ATRNL1: variants seen among roughly 807,000 people sequenced by gnomAD.
ATRNL1 encodes attractin-like protein 1.
ATRNL1 carries 95 observed loss-of-function variants against 182.7 expected under a neutral mutation model. The ratio of observed to expected loss-of-function variants is 0.52; its 90% CI spans 0.44 to 0.62. The LOEUF (loss-of-function observed/expected upper bound fraction) is 0.62. ATRNL1 is among the 20% of genes least tolerant of loss of function. The pLI is 0.00. For missense variants in ATRNL1, 1,471 were observed against 1,679.5 expected, an observed-to-expected ratio of 0.88 and a Z score of 2.17; for synonymous variants, 576 against 568.3, an observed-to-expected ratio of 1.01 and a Z score of -0.19.
intron 17 of ATRNL1, among the ~76,000 whole-genome samples, chr10:115,305,309 G>C (rs1315433995): frequency 6.6e-6 from 1 of 152,138 alleles, no homozygotes; most frequent in Non-Finnish European, 1.5e-5. Flanking sequence ...ATGCAGGCTG[G>C]AATCCCAGCT....
At position 115,203,435 on chromosome 10, in the gene ATRNL1, A is replaced by G. The variant is rs534328871; in HGVS notation, c.1349-12262A>G. 8.5e-5 allele frequency among the ~76,000 whole-genome samples: 13 copies of G among 152,204 alleles called. No homozygotes were observed. In the South Asian group the frequency reaches 2.7e-3, roughly 32 times the overall value. On this transcript the variant is annotated intron_variant, in intron 8 of 28. Coordinates refer to ENST00000355044, the MANE Select transcript of ATRNL1 (RefSeq NM_207303.4). ...GTCTTAACTGTCTAACTGAATGTTT[A>G]TGGAAAGGCAAGCTAGGAAATAAGC...
At chr10:115,560,654 T>A (rs543693346) in intron 26 of ATRNL1, among the ~76,000 whole-genome samples, 2 of 152,236 alleles carry the variant, frequency 1.3e-5, no homozygotes, top group African/African-American at 4.8e-5. Context: ...TTTGTAGAAA[T>A]TGACAAGTAG....
chr10:115,149,772 A>T (rs1352925443), intron 5 of ATRNL1, among the ~76,000 whole-genome samples: 1 of 150,926 alleles, frequency 6.6e-6, no homozygotes, highest in Non-Finnish European at 1.5e-5. Flanking sequence ...TTCATCAGGG[A>T]TGTTGGCCTG....
chr10:115,281,015 T>C (rs941889432), intron 13 of ATRNL1, among the ~76,000 whole-genome samples: 3 of 152,204 alleles, frequency 2.0e-5, no homozygotes, highest in African/African-American at 7.2e-5. Flanking sequence ...TAATACCTTA[T>C]TTGAATATTT....
At chr10:115,366,502 C>T (rs1253099197) in intron 19 of ATRNL1, among the ~76,000 whole-genome samples, 2,865 of 152,086 alleles carry the variant, frequency 0.019, 90 homozygotes, top group African/African-American at 0.065. Flanking sequence ...TTAATTGGAG[C>T]GTTTAGTCCA....
chr10:115,794,479 G>A (rs551897326), intron 27 of ATRNL1, among the ~76,000 whole-genome samples: 9 of 152,208 alleles, frequency 5.9e-5, no homozygotes, highest in South Asian at 2.1e-4. Flanking sequence ...AGAATCATGC[G>A]TTGCATTTAG....
intron 26 of ATRNL1, among the ~76,000 whole-genome samples, chr10:115,650,120 G>A (rs1859891838): frequency 6.6e-6 from 1 of 152,044 alleles, no homozygotes; most frequent in Non-Finnish European, 1.5e-5. Context: ...TAGGTAGAAA[G>A]CCTTATTAAC....
At chr10:115,567,927 T>A (rs1280607444) in intron 26 of ATRNL1, among the ~76,000 whole-genome samples, 1 of 152,138 alleles carries the variant, frequency 6.6e-6, no homozygotes, top group African/African-American at 2.4e-5. Context: ...TGCTACCTGA[T>A]GAGTGAAATA....
chr10:115,527,130 T>TCCC (rs35207261), intron 25 of ATRNL1, among the ~76,000 whole-genome samples: 1 of 118,212 alleles, frequency 8.5e-6, no homozygotes, highest in African/African-American at 3.5e-5. Flanking sequence ...TTTTTTTTTT[T>TCCC]CCCCCCCGAG....
chr10:115,144,054 A>G (rs1388556904), intron 5 of ATRNL1, among the ~76,000 whole-genome samples: 1 of 146,938 alleles, frequency 6.8e-6, no homozygotes, highest in East Asian at 2.0e-4. Context: ...ATCTTGGCTC[A>G]CTGCAACCTC....
chr10:115,445,103 C>A (rs1846895025), intron 21 of ATRNL1, among the ~76,000 whole-genome samples: 1 of 151,646 alleles, frequency 6.6e-6, no homozygotes. Context: ...AATATTACTT[C>A]TTTTTTTTAT....
chr10:115,684,950 T>A (rs1460296949), intron 26 of ATRNL1, among the ~76,000 whole-genome samples: 1 of 151,782 alleles, frequency 6.6e-6, no homozygotes, highest in Non-Finnish European at 1.5e-5. Context: ...TCTAAAATAA[T>A]GTTTCTTTTA....
intron 26 of ATRNL1, among the ~76,000 whole-genome samples, chr10:115,606,898 A>G (rs1565208733): frequency 2.0e-5 from 3 of 151,944 alleles, no homozygotes; most frequent in Non-Finnish European, 2.9e-5. Flanking sequence ...TTTAGCTGTC[A>G]CTAAGATGGT....
intron 10 of ATRNL1, among the ~76,000 whole-genome samples, chr10:115,264,945 T>C (rs1851544580): frequency 6.6e-6 from 1 of 151,684 alleles, no homozygotes; most frequent in Admixed American, 6.6e-5. Context: ...TTCATTCTTT[T>C]CATTTTCTTG....
intron 27 of ATRNL1, among the ~76,000 whole-genome samples, chr10:115,754,633 G>T (rs1448884414): frequency 6.6e-6 from 1 of 152,142 alleles, no homozygotes; most frequent in African/African-American, 2.4e-5. Context: ...TTTTGACTAG[G>T]ATTGTCTTGG....
chr10:115,383,594 T>C (rs1564982308), intron 19 of ATRNL1, among the ~76,000 whole-genome samples: 1 of 152,002 alleles, frequency 6.6e-6, no homozygotes, highest in Non-Finnish European at 1.5e-5. Context: ...ATAAGATTGA[T>C]ACCTTTCCAA....
intron 17 of ATRNL1, among the ~76,000 whole-genome samples, chr10:115,314,080 T>A (rs1302463649): frequency 1.3e-5 from 2 of 152,148 alleles, no homozygotes; most frequent in African/African-American, 2.4e-5. Context: ...CGCTGTGTAC[T>A]GTTGAAAAAA....
At chr10:115,268,050 C>T (rs895161649) in intron 12 of ATRNL1, among the ~76,000 whole-genome samples, 2 of 152,038 alleles carry the variant, frequency 1.3e-5, no homozygotes, top group Admixed American at 6.6e-5. Flanking sequence ...CATGAGCTAC[C>T]GTGCCTGGCC....
chr10:115,669,360 C>T (rs1555040707), intron 26 of ATRNL1, among the ~76,000 whole-genome samples: 2 of 151,986 alleles, frequency 1.3e-5, no homozygotes, highest in Admixed American at 1.3e-4. Flanking sequence ...TAGAGTATAT[C>T]TAGATATAGA....
Sources: gnomAD v4.1 joint callset for allele counts (sites outside exome capture counted in the v4.1 genomes callset) on GRCh38, gnomAD v4.1.1 for gene constraint, MANE v1.5 for transcripts, NCBI Gene and HGNC (gene_info 2026-07-23, HGNC 2026-07-21) for gene names.